CP: variants seen among roughly 807,000 people sequenced by gnomAD.
CP encodes the protein ceruloplasmin.
In CP, 64 loss-of-function variants were observed where a neutral mutation model predicts 122.4. The ratio of observed to expected loss-of-function variants is 0.52; its 90% CI spans 0.43 to 0.64. CP has a LOEUF of 0.64. Among genes scored for constraint, CP ranks in the 30% least tolerant of loss-of-function variants. The pLI is 0.00. For missense variants in CP, 1,167 were observed against 1,284.4 expected (o/e 0.91, Z 1.40); for synonymous variants, 440 against 436.4 (o/e 1.01, Z -0.10).
At position 149,209,361 on chromosome 3, in the gene CP, T is replaced by A. The variant is rs891805183; in HGVS notation, c.631A>T (p.Lys211Ter). Residue 211 changes from lysine to a stop codon, truncating the protein, a stop_gained, in exon 4 of 19, where the codon AAA (lysine) becomes TAA (stop). Transcript: ENST00000264613. LOFTEE classifies it high-confidence loss of function. The stretch of plus-strand genomic sequence containing the variant: ...ACCACAAATTCTCGGTCAATATGTT[T>A]TTCTTTTTCTTTATCTAGAGAATCT... ...KKDSLDKEKE[K>*]HIDREFVVMF... The A allele has an allele frequency of 6.2e-7, 1 of 1,613,604 alleles. No individual in the cohort carries two copies. The highest frequency in any genetic ancestry group is 1.3e-5 in the African/African-American group (1 of 75,040).
chr3:149,168,402 G>T, downstream of CP: 1 of 200,098 alleles, frequency 5.0e-6, no homozygotes, highest in Non-Finnish European at 1.0e-5. Context: ...TAAAAGTTGA[G>T]TATCTAAATT....
chr3:149,170,788 G>C (rs562891472), downstream of CP, among the ~76,000 whole-genome samples: 1 of 152,304 alleles, frequency 6.6e-6, no homozygotes, highest in Admixed American at 6.5e-5. Context: ...TAGAGTAAGC[G>C]ATGGGCATGC....
In CP at chr3:149,194,089, A is replaced by C. The variant is rs575915292; in HGVS notation, c.1713+4278T>G. ...CTCGTGTTGTTGCAAAGGTCAAATA[A>C]GGTAACATGTCTGACAGTACCTGGA... On this transcript the variant is annotated intron_variant, in intron 9 of 18. Coordinates refer to ENST00000264613, the MANE Select transcript of CP (RefSeq NM_000096.4). Among the ~76,000 whole-genome samples, 29 of 152,330 alleles carry C rather than the reference A, an allele frequency of 1.9e-4. No homozygotes were observed. In the South Asian group the frequency reaches 2.1e-3, roughly 11 times the overall value.
At chr3:149,203,880 A>T (rs978896046) in intron 6 of CP, among the ~76,000 whole-genome samples, 1 of 152,252 alleles carries the variant, frequency 6.6e-6, no homozygotes, top group Admixed American at 6.5e-5. Context: ...GGTATTATGG[A>T]GCATTTCTTT....
chr3:149,176,290 A>G lies in CP; in HGVS notation c.3141T>C (p.His1047=), dbSNP rs757319426. ...CGGTGTAAGTGGTTTCCATTCCAGC[A>G]TGAATGTGGTCGGTCACATGGCAGT... The part of the protein sequence containing the change: ...LLHCHVTDHI[H]AGMETTYTVL... Residue 1047 remains histidine, a synonymous_variant, in exon 18 of 19, where the codon CAT becomes CAC. Transcript: ENST00000264613. The G allele has an allele frequency of 3.1e-6, 5 of 1,613,078 alleles. No individual in the cohort carries two copies. The Admixed American group carries it at 5.0e-5, about 16-fold the overall frequency.
rs148921465 is a variant in CP at position 149,201,217 on chromosome 3, G to A, written c.1348+885C>T. On this transcript the variant is annotated intron_variant, in intron 7 of 18. Transcript: ENST00000264613. The stretch of plus-strand genomic sequence containing the variant: ...CAGCTCACTGTAAGCTCCGCCTCCC[G>A]AGTTCACGCCATTCTCCTGCCTCAG... Among the ~76,000 whole-genome samples, 85 of 152,144 alleles carry A rather than the reference G, an allele frequency of 5.6e-4. 1 individual carries two copies. The East Asian group carries it at 0.015, about 27-fold the overall frequency.
At position 149,215,223 on chromosome 3, in the gene CP, C is replaced by T. The variant is rs551977108; in HGVS notation, c.147-2525G>A. 2.0e-5 allele frequency among the ~76,000 whole-genome samples: 3 copies of T among 152,304 alleles called. No individual in the cohort carries two copies. The South Asian group carries it at 6.2e-4, about 32-fold the overall frequency. ...AATGTAAATACACTTTGGCATACAT[C>T]ATGTCCTATTTTGATAAACTATAGC... On this transcript the variant is annotated intron_variant, in intron 1 of 18. Transcript: ENST00000264613.
chr3:149,213,553 C>T (rs1049345051), intron 1 of CP, among the ~76,000 whole-genome samples: 6 of 151,994 alleles, frequency 3.9e-5, no homozygotes, highest in Middle Eastern at 3.2e-3. Context: ...TTGGCAGGAC[C>T]CACTTAGATT....
intron 9 of CP, among the ~76,000 whole-genome samples, chr3:149,197,721 A>C (rs1726988645): frequency 6.6e-6 from 1 of 152,178 alleles, no homozygotes; most frequent in African/African-American, 2.4e-5. Context: ...ATCAGGCATA[A>C]ATTCTGATAA....
intron 11 of CP, 95 bp from the exon 12 acceptor site, chr3:149,185,541 G>GC: frequency 8.7e-7 from 1 of 1,154,146 alleles, no homozygotes; most frequent in Non-Finnish European, 1.3e-6. Flanking sequence ...CCTTATCATG[G>GC]CCTCAGGTGA....
chr3:149,177,824 C>A lies in CP; in HGVS notation c.3018+16G>T, dbSNP rs1320146257. ...TTTCAAACAGAGCAAGAGTAATTGC[C>A]ATGGATAGCTCTTACCTTGTATTGG... On this transcript the variant is annotated intron_variant, in intron 17 of 18. Coordinates refer to ENST00000264613, the MANE Select transcript of CP (RefSeq NM_000096.4). 6.2e-7 allele frequency: 1 copy of A among 1,612,418 alleles called. No individual in the cohort carries two copies. Among genetic ancestry groups the A allele is most frequent in the Non-Finnish European group, 8.5e-7 (1 of 1,178,540 alleles).
chr3:149,192,247 T>C (rs1271223815), intron 9 of CP, among the ~76,000 whole-genome samples: 1 of 152,030 alleles, frequency 6.6e-6, no homozygotes, highest in South Asian at 2.1e-4. Flanking sequence ...GATCCAGATA[T>C]ATTTAAGATT....
At chr3:149,221,553 T>C (rs907950349) in intron 1 of CP, 94 bp downstream of exon 1, 1 of 1,211,372 alleles carries the variant, frequency 8.3e-7, no homozygotes, top group Non-Finnish European at 1.2e-6. Flanking sequence ...AGTTTCTGTA[T>C]ATAAGAAATT....
intron 14 of CP, 140 bp from the exon 15 acceptor site, chr3:149,179,802 A>T (rs2108220550): frequency 1.5e-6 from 1 of 657,576 alleles, no homozygotes; most frequent in Non-Finnish European, 2.7e-6. Context: ...ATTAGTTTTT[A>T]AAAATTGTGG....
intron 4 of CP, among the ~76,000 whole-genome samples, chr3:149,208,363 G>T (rs1727885665): frequency 6.6e-6 from 1 of 152,098 alleles, no homozygotes; most frequent in Admixed American, 6.6e-5. Flanking sequence ...AGAATTTTGA[G>T]TATCTTTTTA....
chr3:149,162,733 T>C, exon 6 of CP: 1 of 1,614,082 alleles, frequency 6.2e-7, no homozygotes, highest in South Asian at 1.1e-5. Flanking sequence ...CAGCTCTTGG[T>C]AGACTTTTGG....
At chr3:149,200,526 G>T (rs1365681058) in intron 7 of CP, among the ~76,000 whole-genome samples, 1 of 151,850 alleles carries the variant, frequency 6.6e-6, no homozygotes, top group Admixed American at 6.6e-5. Context: ...TTTTTGAGAT[G>T]GAGTCTCATT....
chr3:149,182,240 T>A (rs1725836143), intron 13 of CP, 107 bp from the exon 14 acceptor site: 2 of 1,207,994 alleles, frequency 1.7e-6, no homozygotes, highest in African/African-American at 1.5e-5. Context: ...GTTTGTGGTA[T>A]AATACTCTTG....
At chr3:149,216,661 A>C (rs1249924029) in intron 1 of CP, among the ~76,000 whole-genome samples, 1 of 152,188 alleles carries the variant, frequency 6.6e-6, no homozygotes, top group Non-Finnish European at 1.5e-5. Flanking sequence ...GCAGAGACTC[A>C]ACCTAGGTAT....
Sources: gnomAD v4.1 joint callset for allele counts (sites outside exome capture counted in the v4.1 genomes callset) on GRCh38, gnomAD v4.1.1 for gene constraint, MANE v1.5 for transcripts, NCBI Gene and HGNC (gene_info 2026-07-23, HGNC 2026-07-21) for gene names.